Variants in ORAI2 observed in about 807,000 individuals in gnomAD.
The protein encoded by ORAI2 is protein orai-2.
In ORAI2, 10 loss-of-function variants were observed where a neutral mutation model predicts 16.2. The observed-to-expected ratio is 0.62, with a 90% CI of 0.38 to 1.04. The LOEUF (loss-of-function observed/expected upper bound fraction) is 1.04. ORAI2 is among the 50% of genes least tolerant of loss of function. The pLI, the probability that ORAI2 is intolerant of heterozygous loss-of-function variation, is 0.01. For synonymous variants in ORAI2, 150 were observed against 157.5 expected (o/e 0.95, Z 0.35); for missense variants, 238 against 355.5 (o/e 0.67, Z 2.66).
rs1048958781 is a variant in ORAI2 at position 102,447,467 on chromosome 7, G to T, written c.*415G>T. On this transcript the variant is annotated 3_prime_UTR_variant, in exon 4 of 4. Coordinates refer to ENST00000495936, the MANE Select transcript of ORAI2 (RefSeq NM_001126340.3). ...GCGTTCAGAGAAGGATTGCCCCAGA[G>T]ACCCGTGGTGGACTTCATGGGTGCT... 8 of 195,870 alleles carry T rather than the reference G, an allele frequency of 4.1e-5. No individual in the cohort carries two copies. The highest frequency in any genetic ancestry group is 8.4e-5 in the Non-Finnish European group (8 of 95,524). 12.1% of individuals were successfully genotyped at this position (195,870 alleles called of 1,614,324 possible).
Position 102,446,635 on chromosome 7 carries a change from C to T in ORAI2, c.348C>T (p.Thr116=), listed in dbSNP as rs1797372633. 1 of 1,614,004 alleles carries T rather than the reference C, an allele frequency of 6.2e-7. No individual in the cohort carries two copies. Among genetic ancestry groups the T allele is most frequent in the Non-Finnish European group, 8.5e-7 (1 of 1,180,044 alleles). ...ACCTGTTCGCCCTCCTCATCAGCAC[C>T]TGCATCCTGCCCAATGTGGAGGCCG... is the stretch of plus-strand genomic sequence containing the variant. The part of the protein sequence containing the change: ...AVHLFALLIS[T]CILPNVEAVS... Residue 116 remains threonine (T), a synonymous_variant, in exon 4 of 4, where the codon ACC becomes ACT. Transcript: ENST00000495936.
At chr7:102,439,317 C>G (rs4584084) in intron 3 of ORAI2, 136 bp downstream of exon 3, 1 of 712,904 alleles carries the variant, frequency 1.4e-6, no homozygotes, top group African/African-American at 1.8e-5. Context: ...CATCCACCCA[C>G]GTCCCAGCTG....
chr7:102,444,507 C>T (rs564206040), intron 3 of ORAI2, among the ~76,000 whole-genome samples: 1 of 132,750 alleles, frequency 7.5e-6, no homozygotes, highest in Admixed American at 7.8e-5. Context: ...CCCCCCCCCG[C>T]CCCCCACCCT....
chr7:102,440,114 T>C (rs1045516450), intron 3 of ORAI2, among the ~76,000 whole-genome samples: 17 of 152,012 alleles, frequency 1.1e-4, no homozygotes, highest in African/African-American at 4.1e-4. Flanking sequence ...AAAGATAAAA[T>C]CAAATCAAAT....
intron 3 of ORAI2, among the ~76,000 whole-genome samples, chr7:102,442,471 G>A (rs1398503657): frequency 2.0e-5 from 3 of 152,046 alleles, no homozygotes; most frequent in Non-Finnish European, 4.4e-5. Flanking sequence ...GGCAGATCAC[G>A]AGGTCAGGAA....
chr7:102,443,089 T>TTTCTTCTTCTTCTTCTTCTTCTTC (rs368278302), intron 3 of ORAI2, among the ~76,000 whole-genome samples: 20 of 125,664 alleles, frequency 1.6e-4, no homozygotes, highest in African/African-American at 5.7e-4. Flanking sequence ...TGCCTTCTCT[T>TTTCTTCTTCTTCTTCTTCTTCTTC]TTCTTCTTCT....
At chr7:102,437,288 A>G (rs1436801091) in intron 2 of ORAI2, among the ~76,000 whole-genome samples, 1 of 152,160 alleles carries the variant, frequency 6.6e-6, no homozygotes, top group East Asian at 1.9e-4. Flanking sequence ...TGTAAGTCCA[A>G]TATTTTTCTT....
intron 3 of ORAI2, among the ~76,000 whole-genome samples, chr7:102,442,410 TG>T (rs1433226315): frequency 4.6e-5 from 7 of 151,770 alleles, no homozygotes; most frequent in Admixed American, 1.3e-4. Flanking sequence ...AGAATTAGGC[TG>T]GGCGCAGTGG....
intron 3 of ORAI2, among the ~76,000 whole-genome samples, chr7:102,442,781 G>T (rs536767842): frequency 6.6e-6 from 1 of 151,982 alleles, no homozygotes; most frequent in Admixed American, 6.6e-5. Flanking sequence ...ACTTGAATCC[G>T]GAAAGGGGAA....
At chr7:102,435,673 C>T (rs1797042267) in intron 1 of ORAI2, among the ~76,000 whole-genome samples, 1 of 151,140 alleles carries the variant, frequency 6.6e-6, no homozygotes. Context: ...CTCACTGTGT[C>T]ACCCAGGCTG....
chr7:102,439,943 A>G (rs1797152800), intron 3 of ORAI2, among the ~76,000 whole-genome samples: 1 of 150,914 alleles, frequency 6.6e-6, no homozygotes, highest in South Asian at 2.1e-4. Context: ...TTAGCTGGGT[A>G]TGGTAGCAGG....
At chr7:102,438,095 C>T (rs1656835203) in intron 2 of ORAI2, among the ~76,000 whole-genome samples, 1 of 151,828 alleles carries the variant, frequency 6.6e-6, no homozygotes, top group Non-Finnish European at 1.5e-5. Context: ...CACCTGTAAT[C>T]CCAGCACTTT....
intron 3 of ORAI2, among the ~76,000 whole-genome samples, chr7:102,445,708 TG>T (rs1476181022): frequency 6.7e-6 from 1 of 150,176 alleles, no homozygotes; most frequent in Admixed American, 6.6e-5. Flanking sequence ...CTGGAATTCC[TG>T]GCCTCAAGTG....
rs1796980859 is a variant in ORAI2 at position 102,433,618 on chromosome 7, C to G, written c.-166C>G. 1 of 151,278 alleles carries G rather than the reference C, an allele frequency of 6.6e-6. No homozygotes were observed. Among genetic ancestry groups the G allele is most frequent in the Admixed American group, 6.6e-5 (1 of 15,196 alleles). 9.4% of individuals were successfully genotyped at this position (151,278 alleles called of 1,614,324 possible). ...CTGGGCCACAGGCCACGCGGCCACGCAGTCCGAGCGGGAGCCGAGCCGGGC... is the reference window on the plus strand; with the variant it reads ...CTGGGCCACAGGCCACGCGGCCACGGAGTCCGAGCGGGAGCCGAGCCGGGC... On this transcript the variant is annotated 5_prime_UTR_variant, in exon 1 of 4. Coordinates refer to ENST00000495936, the MANE Select transcript of ORAI2 (RefSeq NM_001126340.3). The surrounding 1 kb of genome is among the most constrained non-coding windows in gnomAD (Gnocchi z 4.6).
In ORAI2 at chr7:102,456,304, G is replaced by A. The variant is rs142611777; in HGVS notation, c.*9252G>A. Reference sequence around the variant, plus strand: ...GCTCTGTTGCCAAGTTAAGTGCAGTGGTATGATCATGAGCTCACTGCAGCC... The same window carrying A: ...GCTCTGTTGCCAAGTTAAGTGCAGTAGTATGATCATGAGCTCACTGCAGCC... On this transcript the variant is annotated 3_prime_UTR_variant, in exon 4 of 4. Coordinates refer to ENST00000495936, the MANE Select transcript of ORAI2 (RefSeq NM_001126340.3). The A allele has an allele frequency of 6.5e-6, 1 of 153,240 alleles. No homozygotes were observed. Among genetic ancestry groups the A allele is most frequent in the Non-Finnish European group, 1.5e-5 (1 of 68,060 alleles). 9.5% of individuals were successfully genotyped at this position (153,240 alleles called of 1,614,324 possible).
chr7:102,438,778 C>T (rs10233314), intron 2 of ORAI2, among the ~76,000 whole-genome samples, 166 bp from the exon 3 acceptor site: 2,936 of 152,160 alleles, frequency 0.019, 85 homozygotes, highest in African/African-American at 0.066. Flanking sequence ...GTCTCAAAAA[C>T]AAACAAACAA....
chr7:102,450,765 G>A lies in ORAI2; in HGVS notation c.*3713G>A, dbSNP rs1273022357. The A allele has an allele frequency of 6.6e-6, 1 of 152,330 alleles. No individual in the cohort carries two copies. Among genetic ancestry groups the A allele is most frequent in the East Asian group, 1.9e-4 (1 of 5,206 alleles). 9.4% of individuals were successfully genotyped at this position (152,330 alleles called of 1,614,324 possible). On this transcript the variant is annotated 3_prime_UTR_variant, in exon 4 of 4. Coordinates refer to ENST00000495936, the MANE Select transcript of ORAI2 (RefSeq NM_001126340.3). ...GAGAGGAAACCTCAGGGTCACCCCA[G>A]AGCCTGTGGGGAGACGGAGGGTGAG...
At position 102,446,559 on chromosome 7, in the gene ORAI2, G is replaced by A. The variant is rs372227034; in HGVS notation, c.272G>A (p.Arg91Gln). 103 of 1,612,686 alleles carry A rather than the reference G, an allele frequency of 6.4e-5. No homozygotes were observed. The highest frequency in any genetic ancestry group is 9.3e-5 in the African/African-American group (7 of 74,918). ...VQLETQYQYP[R>Q]PLLIAFSACT... ...CTGGAGACGCAGTACCAGTACCCGC[G>A]GCCGCTGCTGATTGCCTTCAGCGCC... Residue 91 changes from arginine to glutamine, a missense_variant, in exon 4 of 4, where the codon CGG becomes CAG. Physicochemically the swap from Arg to Gln is conservative, Grantham distance 43 (BLOSUM62 1). This residue lies in a region of ORAI2 where 176 missense variants were observed against 265.9 expected (regional missense o/e 0.66). Transcript: ENST00000495936.
chr7:102,443,107 CTTCTTCTTCTTCTTCTTCTTCTTCTT>C (rs1035077818), intron 3 of ORAI2, among the ~76,000 whole-genome samples: 3 of 112,762 alleles, frequency 2.7e-5, no homozygotes, highest in Non-Finnish European at 5.4e-5. Context: ...TCTTCTTCTT[CTTCTTCTTCTTCTTCTTCTTCTTCTT>C]TTTTTTTTTT....
Sources: allele counts gnomAD v4.1 joint callset (sites outside exome capture counted in the v4.1 genomes callset), GRCh38; gene constraint gnomAD v4.1.1; regional missense constraint gnomAD v4.1.1; non-coding constraint Gnocchi (gnomAD v3.1); transcripts MANE v1.5; gene names NCBI Gene and HGNC (gene_info 2026-07-23, HGNC 2026-07-21).